The following TSPAN5 variants were observed in gnomAD, a reference collection of about 807,000 sequenced individuals.
TSPAN5 encodes the protein tetraspanin 5.
TSPAN5 carries 10 observed loss-of-function variants against 37.1 expected under a neutral mutation model. The observed-to-expected ratio is 0.27, with a 90% CI of 0.17 to 0.46. The LOEUF is 0.46. TSPAN5 is among the 20% of genes least tolerant of loss of function. The pLI is 1.00. For missense variants in TSPAN5, 195 were observed against 326.6 expected, an observed-to-expected ratio of 0.60 and a Z score of 3.11; for synonymous variants, 110 against 118.9, an observed-to-expected ratio of 0.93 and a Z score of 0.48.
At chr4:98,640,094 C>G (rs183809006) in intron 1 of TSPAN5, among the ~76,000 whole-genome samples, 1 of 152,050 alleles carries the variant, frequency 6.6e-6, no homozygotes, top group East Asian at 1.9e-4. Flanking sequence ...TGCCAGACTC[C>G]TTAAACTTCA....
chr4:98,570,748 G>C (rs1440815621), intron 1 of TSPAN5, among the ~76,000 whole-genome samples: 1 of 152,102 alleles, frequency 6.6e-6, no homozygotes, highest in South Asian at 2.1e-4. Context: ...AGAACCTAAT[G>C]TGACCTAAGC....
At chr4:98,632,442 T>A (rs962262330) in intron 1 of TSPAN5, among the ~76,000 whole-genome samples, 2 of 152,114 alleles carry the variant, frequency 1.3e-5, no homozygotes, top group African/African-American at 4.8e-5. Flanking sequence ...TTAGAAGGGA[T>A]CATCATATAT....
At chr4:98,498,353 G>A (rs1753263734) in intron 2 of TSPAN5, among the ~76,000 whole-genome samples, 1 of 152,178 alleles carries the variant, frequency 6.6e-6, no homozygotes, top group Non-Finnish European at 1.5e-5. Flanking sequence ...GTAGCAGCTG[G>A]CAGGAGGATT....
rs536047785 is a variant in TSPAN5, at chr4:98,617,072, C to T, written c.81+41074G>A. ...ACTCCTGAGCTCAAACAATCACCTG[C>T]CTTGGCCTCCCAAAATACTGGGATT... On this transcript the variant is annotated intron_variant, in intron 1 of 7. Coordinates refer to ENST00000305798, the MANE Select transcript of TSPAN5 (RefSeq NM_005723.4). Among the ~76,000 whole-genome samples the T allele has an allele frequency of 1.7e-3, 264 of 152,190 alleles. 1 individual carries two copies. In the Middle Eastern group the frequency reaches 0.034, roughly 20 times the overall value.
intron 1 of TSPAN5, among the ~76,000 whole-genome samples, chr4:98,509,001 G>A (rs2110287636): frequency 6.6e-6 from 1 of 152,272 alleles, no homozygotes; most frequent in African/African-American, 2.4e-5. Flanking sequence ...GGGCGACACA[G>A]ACTTGATGAC....
In TSPAN5 at chr4:98,512,571, T is replaced by C. The variant is rs572263111; in HGVS notation, c.82-4843A>G. Among the ~76,000 whole-genome samples, 3 of 152,294 alleles carry C rather than the reference T, an allele frequency of 2.0e-5. No individual in the cohort carries two copies. In the South Asian group the frequency reaches 6.2e-4, roughly 32 times the overall value. On this transcript the variant is annotated intron_variant, in intron 1 of 7. Coordinates refer to ENST00000305798, the MANE Select transcript of TSPAN5 (RefSeq NM_005723.4). Reference sequence around the variant, plus strand: ...AGAAGAAAATGGCCCCAGCATGTGATGAGGGCGATTAGTTACCTCTGGAGG... The same window carrying C: ...AGAAGAAAATGGCCCCAGCATGTGACGAGGGCGATTAGTTACCTCTGGAGG...
intron 1 of TSPAN5, among the ~76,000 whole-genome samples, chr4:98,573,046 C>T (rs979985715): frequency 6.6e-6 from 1 of 152,222 alleles, no homozygotes; most frequent in Admixed American, 6.5e-5. Context: ...AAGGAAAATG[C>T]TACACGTTTC....
intron 2 of TSPAN5, among the ~76,000 whole-genome samples, chr4:98,490,205 C>T (rs114867990): frequency 0.013 from 2,024 of 152,218 alleles, 40 homozygotes; most frequent in African/African-American, 0.046. Flanking sequence ...ACATAAAGAG[C>T]TCAGTGGGTA....
intron 1 of TSPAN5, among the ~76,000 whole-genome samples, chr4:98,610,404 A>T (rs138873840): frequency 6.6e-6 from 1 of 152,318 alleles, no homozygotes. Flanking sequence ...TTCAAACCAT[A>T]GTAGAGCTCC....
chr4:98,576,220 C>G (rs1363932523), intron 1 of TSPAN5, among the ~76,000 whole-genome samples: 1 of 151,972 alleles, frequency 6.6e-6, no homozygotes, highest in Non-Finnish European at 1.5e-5. Flanking sequence ...CCCCTCAATT[C>G]ATGTACACAA....
chr4:98,576,075 C>A (rs934680558), intron 1 of TSPAN5, among the ~76,000 whole-genome samples: 2 of 151,906 alleles, frequency 1.3e-5, no homozygotes, highest in African/African-American at 4.8e-5. Context: ...TCTAAAAAAA[C>A]AATAATAATA....
intron 1 of TSPAN5, among the ~76,000 whole-genome samples, chr4:98,588,261 A>G (rs1579012093): frequency 1.3e-5 from 2 of 152,176 alleles, no homozygotes; most frequent in African/African-American, 4.8e-5. Flanking sequence ...AGCCTTTTAA[A>G]TGAGCCAAGT....
At chr4:98,615,940 G>A (rs936475408) in intron 1 of TSPAN5, among the ~76,000 whole-genome samples, 4 of 152,192 alleles carry the variant, frequency 2.6e-5, no homozygotes, top group Non-Finnish European at 5.9e-5. Context: ...ACTACAGCAA[G>A]AGAAGAAGCA....
intron 1 of TSPAN5, among the ~76,000 whole-genome samples, chr4:98,533,896 T>G (rs1754163867): frequency 7.1e-6 from 1 of 141,158 alleles, no homozygotes; most frequent in Non-Finnish European, 1.5e-5. Context: ...CTCTCTTTTC[T>G]TCTTTATTAG....
At chr4:98,494,628 G>A (rs1385908677) in intron 2 of TSPAN5, among the ~76,000 whole-genome samples, 1 of 151,928 alleles carries the variant, frequency 6.6e-6, no homozygotes, top group African/African-American at 2.4e-5. Context: ...TTAAATAAAA[G>A]TATATTGCCA....
chr4:98,530,405 G>C (rs1034947473), intron 1 of TSPAN5, among the ~76,000 whole-genome samples: 1 of 152,184 alleles, frequency 6.6e-6, no homozygotes, highest in South Asian at 2.1e-4. Context: ...ATACAAATGA[G>C]GAAACAGGCT....
chr4:98,506,904 A>G (rs972368222), intron 2 of TSPAN5, among the ~76,000 whole-genome samples: 3 of 152,144 alleles, frequency 2.0e-5, no homozygotes, highest in African/African-American at 4.8e-5. Context: ...GGGTGTTTAT[A>G]TTCACTGTTG....
At chr4:98,593,860 A>C (rs1339830840) in intron 1 of TSPAN5, among the ~76,000 whole-genome samples, 1 of 54,228 alleles carries the variant, frequency 1.8e-5, no homozygotes, top group East Asian at 3.5e-4. Flanking sequence ...CATAGTTTGA[A>C]GTCAGGTAGT....
intron 1 of TSPAN5, among the ~76,000 whole-genome samples, chr4:98,530,303 T>C (rs1485099609): frequency 6.6e-6 from 1 of 152,250 alleles, no homozygotes; most frequent in Non-Finnish European, 1.5e-5. Context: ...GGTGAACTTT[T>C]GTTGCTCATC....
Sources: gnomAD v4.1 joint callset for allele counts (sites outside exome capture counted in the v4.1 genomes callset) on GRCh38, gnomAD v4.1.1 for gene constraint, MANE v1.5 for transcripts, NCBI Gene and HGNC (gene_info 2026-07-23, HGNC 2026-07-21) for gene names.